Variants in ADAMTS20 observed in about 807,000 individuals in gnomAD.
ADAMTS20 encodes the protein ADAM metallopeptidase with thrombospondin type 1 motif 20, also known as A disintegrin and metalloproteinase with thrombospondin motifs 20.
In ADAMTS20, 225 loss-of-function variants were observed where a neutral mutation model predicts 260.1. The observed-to-expected ratio is 0.87, with a 90% CI of 0.78 to 0.97. The LOEUF (loss-of-function observed/expected upper bound fraction) is 0.97. Ranked by LOEUF, ADAMTS20 falls within the 50% of genes least tolerant of loss-of-function variation. The pLI is 0.00. For missense variants in ADAMTS20, 2,400 were observed against 2,337.7 expected, an observed-to-expected ratio of 1.03 and a Z score of -0.55; for synonymous variants, 802 against 769.5, an observed-to-expected ratio of 1.04 and a Z score of -0.70.
chr12:43,452,274 C>T lies in ADAMTS20; in HGVS notation c.2079G>A (p.Met693Ile). 1 of 1,603,100 alleles carries T rather than the reference C, an allele frequency of 6.2e-7. No individual in the cohort carries two copies. The highest frequency in any genetic ancestry group is 8.5e-7 in the Non-Finnish European group (1 of 1,176,736). Reference sequence around the variant, plus strand: ...TAATAGAAACTTATAGTTTACTTACCATACACTGGCCTTGAACACAGATGT... The same window carrying T: ...TAATAGAAACTTATAGTTTACTTACTATACACTGGCCTTGAACACAGATGT... ...THDICVQGQC[M>I]AAGCDHVLNS... Residue 693 changes from methionine to isoleucine, a missense_variant and splice_region_variant, in exon 14 of 39, where the codon ATG (methionine) becomes ATA (isoleucine). Physicochemically the swap from Met to Ile is conservative, Grantham distance 10 (BLOSUM62 1). Coordinates refer to ENST00000389420, the MANE Select transcript of ADAMTS20 (RefSeq NM_025003.5).
At position 43,377,383 on chromosome 12, in the gene ADAMTS20, T is replaced by A. The variant is rs1007608166; in HGVS notation, c.4977A>T (p.Lys1659Asn). ...INSCLHLATWKVGKWSKCSVT... is the reference protein window; with the variant it reads ...INSCLHLATWNVGKWSKCSVT... ...CACCGACCTTGCTCCATTTTCCAAC[T>A]TTCCAAGTGGCCAAATGCAAACAGC... Residue 1659 changes from lysine (K) to asparagine (N), a missense_variant, in exon 32 of 39, where the codon AAA becomes AAT. Physicochemically the swap from Lys to Asn is moderately conservative, Grantham distance 94. Transcript: ENST00000389420. 11 of 1,612,108 alleles carry A rather than the reference T, an allele frequency of 6.8e-6. No homozygotes were observed. Among genetic ancestry groups the A allele is most frequent in the Non-Finnish European group, 9.3e-6 (11 of 1,178,926 alleles).
rs373746834 is a variant in ADAMTS20 at position 43,501,481 on chromosome 12, G to GCGCACACACACACACACACACA, written c.867+670_867+671insTGTGTGTGTGTGTGTGTGTGCG. ...GGGATACGCGCGCGCGCGCGCGCGC[G>GCGCACACACACACACACACACA]CACACACACACACACACACACATGT... On this transcript the variant is annotated intron_variant, in intron 4 of 38. Coordinates refer to ENST00000389420, the MANE Select transcript of ADAMTS20 (RefSeq NM_025003.5). 6.8e-3 allele frequency among the ~76,000 whole-genome samples: 799 copies of GCGCACACACACACACACACACA among 117,654 alleles called. 3 individuals carry two copies. The highest frequency in any genetic ancestry group is 0.015 in the East Asian group (55 of 3,742). 77.2% of individuals were successfully genotyped at this position (117,654 alleles called of 152,430 possible).
chr12:43,536,675 A>G (rs1943299798), intron 2 of ADAMTS20, among the ~76,000 whole-genome samples: 1 of 152,176 alleles, frequency 6.6e-6, no homozygotes, highest in South Asian at 2.1e-4. Context: ...AGGCCTAGAG[A>G]TGAAAAAGTC....
At position 43,376,290 on chromosome 12, in the gene ADAMTS20, G is replaced by C; in HGVS notation, c.5166C>G (p.Asn1722Lys). 1 of 1,555,922 alleles carries C rather than the reference G, an allele frequency of 6.4e-7. No homozygotes were observed. Among genetic ancestry groups the C allele is most frequent in the Non-Finnish European group, 8.7e-7 (1 of 1,148,406 alleles). Residue 1722 changes from asparagine (N) to lysine (K), a missense_variant, in exon 34 of 39, where the codon AAC becomes AAG. Physicochemically the swap from Asn to Lys is moderately conservative, Grantham distance 94. Transcript: ENST00000389420. Reference protein sequence around the residue: ...FTTCKEIQVKNHIRKDGDYYL... With the variant: ...FTTCKEIQVKKHIRKDGDYYL... ...AATAGTCACCATCCTTTCTAATGTG[G>C]TTTTTCACTTGAATTTCTTTGCAGG... is the stretch of plus-strand genomic sequence containing the variant.
chr12:43,490,307 T>G (rs1565569991), intron 7 of ADAMTS20, 88 bp downstream of exon 7: 5 of 692,516 alleles, frequency 7.2e-6, no homozygotes, highest in Non-Finnish European at 9.0e-6. Context: ...TACTAAAATG[T>G]AAAATAAATG....
rs745746531 is a variant in ADAMTS20, at chr12:43,383,614, T to C, written c.4741A>G (p.Lys1581Glu). The C allele has an allele frequency of 1.2e-6, 2 of 1,613,834 alleles. No individual in the cohort carries two copies. The highest frequency in any genetic ancestry group is 1.1e-5 in the South Asian group (1 of 91,070). ...TTGCAAGGAGGGTTCCTGCAATTCT[T>C]GGATGTAAGAGATATGGTTGAAGAA... ...YNSSTISLTS[K>E]NCRNPPCNYI... Residue 1581 changes from lysine to glutamate, a missense_variant, in exon 31 of 39, where the codon AAG becomes GAG. Coordinates refer to ENST00000389420, the MANE Select transcript of ADAMTS20 (RefSeq NM_025003.5).
At chr12:43,417,605 A>G (rs974943277) in intron 28 of ADAMTS20, among the ~76,000 whole-genome samples, 3 of 152,204 alleles carry the variant, frequency 2.0e-5, no homozygotes, top group African/African-American at 7.2e-5. Flanking sequence ...ATAAGGTTTG[A>G]GAGATCTTAT....
chr12:43,507,820 A>G (rs115898527), intron 3 of ADAMTS20, among the ~76,000 whole-genome samples: 11 of 152,324 alleles, frequency 7.2e-5, no homozygotes, highest in African/African-American at 2.6e-4. Flanking sequence ...ATAAAAAGGA[A>G]CGAGGTATCT....
chr12:43,483,186 C>A (rs1316265482), intron 7 of ADAMTS20, among the ~76,000 whole-genome samples: 1 of 152,168 alleles, frequency 6.6e-6, no homozygotes, highest in Non-Finnish European at 1.5e-5. Context: ...CAGACATTCC[C>A]CAGCACCAAC....
intron 3 of ADAMTS20, among the ~76,000 whole-genome samples, chr12:43,521,238 C>A (rs902170804): frequency 6.6e-6 from 1 of 152,174 alleles, no homozygotes; most frequent in East Asian, 1.9e-4. Context: ...CAGTTAGCAG[C>A]GCAGCCAGAA....
At chr12:43,431,973 A>C (rs1941452790) in intron 21 of ADAMTS20, among the ~76,000 whole-genome samples, 1 of 151,530 alleles carries the variant, frequency 6.6e-6, no homozygotes, top group Non-Finnish European at 1.5e-5. Flanking sequence ...CACGTCCCAG[A>C]CTCAAGCAAT....
At chr12:43,442,547 C>T (rs1329800156) in intron 16 of ADAMTS20, among the ~76,000 whole-genome samples, 2 of 152,132 alleles carry the variant, frequency 1.3e-5, no homozygotes, top group South Asian at 4.1e-4. Context: ...CATGAGCCAC[C>T]ATGCACAGCC....
At chr12:43,457,817 C>T (rs529206601) in intron 11 of ADAMTS20, among the ~76,000 whole-genome samples, 24 of 152,324 alleles carry the variant, frequency 1.6e-4, no homozygotes, top group Admixed American at 2.6e-4. Context: ...CTCTTGTCCC[C>T]GACAGTTTAG....
chr12:43,467,295 G>A (rs1401050338), intron 8 of ADAMTS20, among the ~76,000 whole-genome samples: 25 of 152,100 alleles, frequency 1.6e-4, no homozygotes, highest in Non-Finnish European at 7.4e-5. Context: ...TACTTCCTAA[G>A]TGATGCCCAA....
chr12:43,534,921 T>C (rs1177172498), intron 2 of ADAMTS20, among the ~76,000 whole-genome samples: 1 of 152,080 alleles, frequency 6.6e-6, no homozygotes, highest in African/African-American at 2.4e-5. Context: ...ATGCTGTCCC[T>C]CTACCTAAAA....
intron 7 of ADAMTS20, among the ~76,000 whole-genome samples, chr12:43,480,442 A>C (rs896479175): frequency 6.6e-6 from 1 of 152,138 alleles, no homozygotes; most frequent in East Asian, 1.9e-4. Flanking sequence ...TTCGATATAT[A>C]CCCAGGAGTG....
intron 3 of ADAMTS20, among the ~76,000 whole-genome samples, chr12:43,507,002 T>C (rs969536965): frequency 1.1e-4 from 17 of 151,318 alleles, no homozygotes; most frequent in African/African-American, 4.1e-4. Flanking sequence ...CTTCTAGTTA[T>C]AAGATGAATA....
intron 3 of ADAMTS20, among the ~76,000 whole-genome samples, chr12:43,508,106 A>C (rs984275669): frequency 1.3e-5 from 2 of 152,166 alleles, no homozygotes; most frequent in Non-Finnish European, 2.9e-5. Flanking sequence ...GTTTACCTAC[A>C]TAACAAACTG....
chr12:43,435,652 A>AC (rs1460964396), intron 18 of ADAMTS20, among the ~76,000 whole-genome samples: 3 of 144,922 alleles, frequency 2.1e-5, no homozygotes, highest in Non-Finnish European at 4.5e-5. Context: ...AAAAAAAAAA[A>AC]AAAAACAAAA....
Sources: allele counts gnomAD v4.1 joint callset (sites outside exome capture counted in the v4.1 genomes callset), GRCh38; gene constraint gnomAD v4.1.1; transcripts MANE v1.5; gene names NCBI Gene and HGNC (gene_info 2026-07-23, HGNC 2026-07-21).